Variants in CXCL13 observed in about 807,000 individuals in gnomAD.
CXCL13 encodes C-X-C motif chemokine ligand 13, also known as C-X-C motif chemokine 13.
Under a neutral mutation model 12.2 loss-of-function variants are expected in CXCL13, and 7 were observed. The observed-to-expected ratio is 0.57, with a 90% CI of 0.33 to 1.07. CXCL13 has a LOEUF of 1.07. CXCL13 is among the 50% of genes least tolerant of loss of function. The probability of loss-of-function intolerance (pLI) is 0.04; values close to 1 mark genes in which losing one functional copy is unlikely to be tolerated. For synonymous variants in CXCL13, 47 were observed against 42.4 expected, an observed-to-expected ratio of 1.11 and a Z score of -0.42; for missense variants, 113 against 127.4, an observed-to-expected ratio of 0.89 and a Z score of 0.55.
rs140309023 is a variant in CXCL13 at position 77,566,951 on chromosome 4, G to T, written c.-42-38873G>T. On this transcript the variant is annotated intron_variant, in intron 1 of 4. Coordinates refer to the CXCL13 transcript ENST00000286758. ...TGACCTGCACCTATACATCCAGATG[G>T]CCTGAAGCAACTGAAGATTCACAAA... 7.2e-3 allele frequency among the ~76,000 whole-genome samples: 1,094 copies of T among 152,238 alleles called. 14 individuals are homozygous for T. Among genetic ancestry groups the T allele is most frequent in the African/African-American group, 0.024 (994 of 41,530 alleles).
At chr4:77,563,187 A>G (rs1381656869) in intron 1 of CXCL13, among the ~76,000 whole-genome samples, 1 of 152,122 alleles carries the variant, frequency 6.6e-6, no homozygotes, top group African/African-American at 2.4e-5. Flanking sequence ...CGCCCCTTTA[A>G]GAACTGTAAC....
intron 1 of CXCL13, among the ~76,000 whole-genome samples, chr4:77,578,488 G>A (rs928777808): frequency 1.3e-5 from 2 of 152,148 alleles, no homozygotes; most frequent in Non-Finnish European, 2.9e-5. Context: ...TAAGGGGAAG[G>A]GTCCCTGGAG....
intron 1 of CXCL13, among the ~76,000 whole-genome samples, chr4:77,572,088 G>A (rs1009505140): frequency 6.6e-6 from 1 of 151,878 alleles, no homozygotes; most frequent in African/African-American, 2.4e-5. Flanking sequence ...CACTCACCGC[G>A]AGGGTCCGCG....
chr4:77,606,869 A>G (rs1008868837), intron 1 of CXCL13, among the ~76,000 whole-genome samples: 2 of 152,212 alleles, frequency 1.3e-5, no homozygotes, highest in Non-Finnish European at 2.9e-5. Context: ...AGATCTGATA[A>G]ATGTCTTTGG....
At chr4:77,562,871 T>A (rs1725845833) in intron 1 of CXCL13, among the ~76,000 whole-genome samples, 1 of 152,088 alleles carries the variant, frequency 6.6e-6, no homozygotes, top group African/African-American at 2.4e-5. Context: ...AACACACCAA[T>A]CAGCTCTCTG....
chr4:77,558,794 A>G (rs1347363711), intron 1 of CXCL13, among the ~76,000 whole-genome samples: 1 of 152,180 alleles, frequency 6.6e-6, no homozygotes, highest in Non-Finnish European at 1.5e-5. Flanking sequence ...AGGTCTGCCT[A>G]TGTTATGAGT....
chr4:77,529,391 T>C (rs535842104), intron 1 of CXCL13, among the ~76,000 whole-genome samples: 1 of 152,328 alleles, frequency 6.6e-6, no homozygotes, highest in Non-Finnish European at 1.5e-5. Flanking sequence ...TTTCACAATA[T>C]TGGTTCTTCC....
chr4:77,579,392 C>T (rs1178711143), intron 1 of CXCL13, among the ~76,000 whole-genome samples: 1 of 152,222 alleles, frequency 6.6e-6, no homozygotes, highest in Non-Finnish European at 1.5e-5. Flanking sequence ...ACTAAGGATG[C>T]AGGCCGTTTG....
At position 77,605,850 on chromosome 4, in the gene CXCL13, T is replaced by C. The variant is rs777705572; in HGVS notation, c.-16T>C. Reference sequence around the variant, plus strand: ...CTGGACTCAGAGCTCAAGTCTGAACTCTACCTCCAGACAGAATGAAGTTCA... The same window carrying C: ...CTGGACTCAGAGCTCAAGTCTGAACCCTACCTCCAGACAGAATGAAGTTCA... On this transcript the variant is annotated 5_prime_UTR_variant, in exon 1 of 4. Coordinates refer to ENST00000682537, the MANE Select transcript of CXCL13 (RefSeq NM_001371558.1). 2.0e-5 allele frequency: 32 copies of C among 1,591,692 alleles called. No individual in the cohort carries two copies. Among genetic ancestry groups the C allele is most frequent in the Admixed American group, 3.4e-5 (2 of 59,232 alleles).
At chr4:77,529,237 G>A (rs1382633884) in intron 1 of CXCL13, among the ~76,000 whole-genome samples, 2 of 152,096 alleles carry the variant, frequency 1.3e-5, no homozygotes, top group Non-Finnish European at 2.9e-5. Flanking sequence ...TGTTCTTTTG[G>A]CTTAGGATTG....
intron 1 of CXCL13, among the ~76,000 whole-genome samples, chr4:77,589,288 G>A (rs1041472427): frequency 6.6e-6 from 1 of 152,116 alleles, no homozygotes; most frequent in Non-Finnish European, 1.5e-5. Flanking sequence ...TCCCATCTGG[G>A]ACACTAATCA....
chr4:77,555,452 C>G (rs1021783251), intron 1 of CXCL13, among the ~76,000 whole-genome samples: 4 of 151,968 alleles, frequency 2.6e-5, no homozygotes, highest in Non-Finnish European at 5.9e-5. Flanking sequence ...AGTGCTTGAA[C>G]CACTGGATGC....
chr4:77,605,777 C>T (rs1726988199), upstream of CXCL13: 6 of 702,944 alleles, frequency 8.5e-6, no homozygotes, highest in Non-Finnish European at 1.4e-5. Context: ...TGGGAGGGCC[C>T]TTACTGGTAT....
At chr4:77,571,569 A>G (rs1168826635) in intron 1 of CXCL13, among the ~76,000 whole-genome samples, 2 of 151,854 alleles carry the variant, frequency 1.3e-5, no homozygotes, top group Non-Finnish European at 2.9e-5. Context: ...GAAACTGTGT[A>G]TCTAACTAAT....
chr4:77,552,148 T>C (rs1429768983), intron 1 of CXCL13, among the ~76,000 whole-genome samples: 4 of 152,228 alleles, frequency 2.6e-5, no homozygotes, highest in African/African-American at 7.2e-5. Flanking sequence ...TGTCACTACA[T>C]TCAGATTTTT....
At chr4:77,589,486 G>A (rs1726556093) in intron 1 of CXCL13, among the ~76,000 whole-genome samples, 1 of 151,568 alleles carries the variant, frequency 6.6e-6, no homozygotes, top group Non-Finnish European at 1.5e-5. Flanking sequence ...GTTCTGTTTT[G>A]TTACTATTAA....
intron 1 of CXCL13, among the ~76,000 whole-genome samples, chr4:77,592,545 T>C (rs1726639368): frequency 6.6e-6 from 1 of 152,210 alleles, no homozygotes; most frequent in East Asian, 1.9e-4. Context: ...TATTCCACTA[T>C]ATATATCATA....
intron 1 of CXCL13, among the ~76,000 whole-genome samples, chr4:77,548,296 A>T (rs1725425379): frequency 6.6e-6 from 1 of 152,208 alleles, no homozygotes; most frequent in Non-Finnish European, 1.5e-5. Context: ...GTCTATTGGA[A>T]ACATTCAGCA....
intron 1 of CXCL13, among the ~76,000 whole-genome samples, chr4:77,569,188 A>G (rs1231750011): frequency 6.6e-6 from 1 of 152,196 alleles, no homozygotes; most frequent in Non-Finnish European, 1.5e-5. Context: ...GGAAGCATTC[A>G]CCTTGAAAAC....
Sources: gnomAD v4.1 joint callset for allele counts (sites outside exome capture counted in the v4.1 genomes callset) on GRCh38, gnomAD v4.1.1 for gene constraint, MANE v1.5 for transcripts, NCBI Gene and HGNC (gene_info 2026-07-23, HGNC 2026-07-21) for gene names.